The following FGF13 variants were observed in gnomAD, a reference collection of about 807,000 sequenced individuals.
FGF13 encodes fibroblast growth factor 13.
In FGF13, 2 loss-of-function variants were observed where a neutral mutation model predicts 19.5. The observed-to-expected ratio is 0.10, with a 90% CI of 0.04 to 0.32. The LOEUF (loss-of-function observed/expected upper bound fraction) is 0.32. FGF13 is among the 10% of genes least tolerant of loss of function. FGF13 has a pLI of 1.00. For missense variants in FGF13, 113 were observed against 192.7 expected (o/e 0.59, Z 2.45); for synonymous variants, 72 against 76.9 (o/e 0.94, Z 0.33).
At position 138,616,961 on chromosome X, in the gene FGF13, G is replaced by A. The variant is rs942237720; in HGVS notation, c.*15889C>T. ...CATGTTTCAAGGCTGCAAAGAGCAA[G>A]GGGGGGTGCCTGAGGCCTGGCCCAC... is the stretch of plus-strand genomic sequence containing the variant. On this transcript the variant is annotated 3_prime_UTR_variant, in exon 5 of 5. Transcript: ENST00000315930. 1 of 101,326 alleles carries A rather than the reference G, an allele frequency of 9.9e-6. No homozygotes were observed. Among genetic ancestry groups the A allele is most frequent in the African/African-American group, 4.8e-5 (1 of 20,971 alleles). The allele number at this position is 101,326 out of a possible 1,213,427, so 8.4% of individuals were successfully genotyped here. A position where few individuals can be genotyped will look rare whatever the true frequency, so the allele number is the denominator to read the frequency against.
intron 1 of FGF13, among the ~76,000 whole-genome samples, chrX:138,735,592 G>T (rs1411020252): frequency 8.9e-6 from 1 of 111,893 alleles, no homozygotes; most frequent in Non-Finnish European, 1.9e-5. Context: ...TATTTTAGAA[G>T]GCAATAATAT....
chrX:138,634,994 A>G (rs2124095025), intron 4 of FGF13, among the ~76,000 whole-genome samples: 1 of 112,328 alleles, frequency 8.9e-6, no homozygotes, highest in South Asian at 3.7e-4. Flanking sequence ...AACCAACTTA[A>G]GTGCCCATCA....
downstream of FGF13, among the ~76,000 whole-genome samples, chrX:138,855,858 T>C (rs892095452): frequency 1.8e-4 from 20 of 111,670 alleles, no homozygotes; most frequent in Non-Finnish European, 3.8e-4. Context: ...ATTTTAATTA[T>C]GTAACTGATT....
rs1283453086 is a variant in FGF13, at chrX:138,625,482, A to C, written c.*7368T>G. 2.1e-5 allele frequency: 2 copies of C among 94,963 alleles called. No homozygotes were observed. The allele number at this position is 94,963 out of a possible 1,213,427, so 7.8% of individuals were successfully genotyped here. A position where few individuals can be genotyped will look rare whatever the true frequency, so the allele number is the denominator to read the frequency against. ...ATTATATATATATACATATATATAT[A>C]TAATATATATATATACATATATATA... On this transcript the variant is annotated 3_prime_UTR_variant, in exon 5 of 5. Transcript: ENST00000315930.
At chrX:138,947,551 G>A (rs1266339522) in intron 1 of FGF13, among the ~76,000 whole-genome samples, 1 of 111,771 alleles carries the variant, frequency 8.9e-6, no homozygotes, top group Non-Finnish European at 1.9e-5. Flanking sequence ...TTACCAAGTG[G>A]TGACTTCCAT....
At chrX:138,758,708 T>C (rs2090447062) in intron 3 of FGF13, among the ~76,000 whole-genome samples, 2 of 111,581 alleles carry the variant, frequency 1.8e-5, no homozygotes, top group South Asian at 7.5e-4. Flanking sequence ...AAAAAAAGAG[T>C]TTTGATTACA....
chrX:139,101,220 T>C (rs770069378), intron 1 of FGF13, among the ~76,000 whole-genome samples: 1 of 112,283 alleles, frequency 8.9e-6, no homozygotes, highest in Non-Finnish European at 1.9e-5. Flanking sequence ...CCAAAGGCCA[T>C]ACTCTCCTCA....
intron 3 of FGF13, among the ~76,000 whole-genome samples, chrX:138,824,690 CT>C (rs2091022221): frequency 9.9e-5 from 11 of 110,946 alleles, no homozygotes; most frequent in Admixed American, 5.8e-4. Context: ...TAAATTTTGC[CT>C]ATATTCCTTC....
Position 138,620,135 on chromosome X carries a change from C to T in FGF13, c.*12715G>A, listed in dbSNP as rs1255440564. Reference sequence around the variant, plus strand: ...TATACACCATGGGATACTATGCAGCCATAAAAAGGAATGAGATCATGTCAT... The same window carrying T: ...TATACACCATGGGATACTATGCAGCTATAAAAAGGAATGAGATCATGTCAT... On this transcript the variant is annotated 3_prime_UTR_variant, in exon 5 of 5. Transcript: ENST00000315930. The T allele has an allele frequency of 8.9e-6, 1 of 111,893 alleles. No homozygotes were observed. Among genetic ancestry groups the T allele is most frequent in the African/African-American group, 3.2e-5 (1 of 30,796 alleles). The allele number at this position is 111,893 out of a possible 1,213,427, so 9.2% of individuals were successfully genotyped here. A position where few individuals can be genotyped will look rare whatever the true frequency, so the allele number is the denominator to read the frequency against.
intron 3 of FGF13, among the ~76,000 whole-genome samples, chrX:138,666,060 C>A (rs1043143571): frequency 7.2e-5 from 8 of 110,807 alleles, no homozygotes; most frequent in Non-Finnish European, 7.6e-5. Context: ...GAGTTTTTGT[C>A]CTATGATTTA....
At chrX:138,698,772 A>AG (rs2089919697) in intron 3 of FGF13, among the ~76,000 whole-genome samples, 1 of 111,706 alleles carries the variant, frequency 9.0e-6, no homozygotes, top group Non-Finnish European at 1.9e-5. Context: ...ATTACAATCT[A>AG]GGGGTCAGCA....
chrX:138,643,272 C>T (rs2089269180), intron 3 of FGF13, among the ~76,000 whole-genome samples: 1 of 112,145 alleles, frequency 8.9e-6, no homozygotes, highest in African/African-American at 3.2e-5. Flanking sequence ...TACCCAGGCT[C>T]TCCATTCTTC....
chrX:139,195,722 C>T (rs920928639), intron 1 of FGF13, among the ~76,000 whole-genome samples: 12 of 112,433 alleles, frequency 1.1e-4, no homozygotes, highest in Non-Finnish European at 2.2e-4. Flanking sequence ...TTCCCAACTT[C>T]GAGAACTGTA....
Position 138,635,444 on chromosome X carries a change from A to G in FGF13, c.601+13T>C. Reference sequence around the variant, plus strand: ...AGTAGCATAATCCATAGTTCCCACAATATCAAATGTACCTTTCAGTGGTTT... The same window carrying G: ...AGTAGCATAATCCATAGTTCCCACAGTATCAAATGTACCTTTCAGTGGTTT... On this transcript the variant is annotated intron_variant, in intron 4 of 4. Transcript: ENST00000315930. 8.4e-7 allele frequency: 1 copy of G among 1,197,441 alleles called. No homozygotes were observed. Among genetic ancestry groups the G allele is most frequent in the Non-Finnish European group, 1.1e-6 (1 of 882,419 alleles).
chrX:138,788,372 A>G (rs1287277561), intron 3 of FGF13, among the ~76,000 whole-genome samples: 1 of 112,225 alleles, frequency 8.9e-6, no homozygotes, highest in Non-Finnish European at 1.9e-5. Context: ...TCTCCTGAAC[A>G]TGCTGGGGCA....
chrX:139,109,312 C>T (rs1240955356), intron 1 of FGF13, among the ~76,000 whole-genome samples: 1 of 111,335 alleles, frequency 9.0e-6, no homozygotes, highest in Non-Finnish European at 1.9e-5. Context: ...AACTCAGCAA[C>T]AAAAAATGCT....
At chrX:139,052,012 A>G (rs1006314530) in intron 1 of FGF13, among the ~76,000 whole-genome samples, 13 of 112,413 alleles carry the variant, frequency 1.2e-4, no homozygotes, top group Non-Finnish European at 2.4e-4. Context: ...ATCTGTTCAT[A>G]TCTTTATGTT....
At chrX:139,118,067 G>A (rs73566187) in intron 1 of FGF13, among the ~76,000 whole-genome samples, 1,651 of 111,364 alleles carry the variant, frequency 0.015, 30 homozygotes, top group African/African-American at 0.05. Flanking sequence ...TCTGCAGTTC[G>A]CACAGTCCTA....
chrX:139,021,398 A>C (rs2092177805), intron 1 of FGF13, among the ~76,000 whole-genome samples: 1 of 111,366 alleles, frequency 9.0e-6, no homozygotes, highest in Admixed American at 9.6e-5. Context: ...TCTAAAAATA[A>C]GTGACACAAA....
Sources: allele counts gnomAD v4.1 joint callset (sites outside exome capture counted in the v4.1 genomes callset), GRCh38; gene constraint gnomAD v4.1.1; transcripts MANE v1.5; gene names NCBI Gene and HGNC (gene_info 2026-07-23, HGNC 2026-07-21).